Variants in RASL10A observed in about 807,000 individuals in gnomAD.
The protein encoded by RASL10A is ras-like protein family member 10A.
Under a neutral mutation model 17.3 loss-of-function variants are expected in RASL10A, and 13 were observed. That is an observed-to-expected ratio of 0.75 (90% confidence interval 0.49 to 1.20). The LOEUF is 1.20. RASL10A is among the 50% of genes most tolerant of loss of function. RASL10A has a pLI of 0.00. For synonymous variants in RASL10A, 159 were observed against 142.2 expected, an observed-to-expected ratio of 1.12 and a Z score of -0.84; for missense variants, 307 against 310.3, an observed-to-expected ratio of 0.99 and a Z score of 0.08.
chr22:29,317,237 T>A (rs2061458557), upstream of RASL10A: 3 of 152,270 alleles, frequency 2.0e-5, no homozygotes, highest in Admixed American at 2.0e-4. Context: ...CTTTTCAGAC[T>A]TCTGGGTTTT....
chr22:29,316,136 A>G (rs1226861296), upstream of RASL10A, among the ~76,000 whole-genome samples: 1 of 152,224 alleles, frequency 6.6e-6, no homozygotes, highest in Non-Finnish European at 1.5e-5. Context: ...ACTATGTGCC[A>G]GGCCCATTAC....
chr22:29,319,029 A>C (rs891024328), upstream of RASL10A, among the ~76,000 whole-genome samples: 1 of 152,138 alleles, frequency 6.6e-6, no homozygotes, highest in African/African-American at 2.4e-5. Flanking sequence ...ATCAAGCCAC[A>C]GATAGTGGGG....
rs756536408 is a variant in RASL10A, at chr22:29,313,551, T to G, written c.362A>C (p.Glu121Ala). The G allele has an allele frequency of 6.5e-7, 1 of 1,535,180 alleles. No individual in the cohort carries two copies. The highest frequency in any genetic ancestry group is 1.4e-5 in the African/African-American group (1 of 72,502). The change falls in exon 3 of 3, where the codon GAA becomes GCA. Residue 121 changes from glutamate to alanine, a missense_variant. Glu to Ala is a moderately radical substitution (Grantham distance 107). Coordinates refer to ENST00000216101, the MANE Select transcript of RASL10A (RefSeq NM_006477.5). The stretch of plus-strand genomic sequence containing the variant: ...GTTGCCTACCACGAGGATGGGCGCT[T>G]CGGGCGCGCCCGCCGGCCTGGGGGC... ...IAETRPAGAP[E>A]APILVVGNKR...
Position 29,313,166 on chromosome 22 carries a change from T to G in RASL10A, c.*135A>C. Reference sequence around the variant, plus strand: ...GGGGCCAGTCGCTTAGGAGACTGGGTTGGAGCTTTCCTCATCCAATCAGGG... The same window carrying G: ...GGGGCCAGTCGCTTAGGAGACTGGGGTGGAGCTTTCCTCATCCAATCAGGG... On this transcript the variant is annotated 3_prime_UTR_variant, in exon 3 of 3. Coordinates refer to ENST00000216101, the MANE Select transcript of RASL10A (RefSeq NM_006477.5). 2.5e-6 allele frequency: 3 copies of G among 1,216,846 alleles called. No individual in the cohort carries two copies. The highest frequency in any genetic ancestry group is 1.9e-5 in the South Asian group (1 of 53,914). The allele number at this position is 1,216,846 out of a possible 1,614,324, so 75.4% of individuals were successfully genotyped here.
chr22:29,314,841 G>A (rs2061443289), intron 1 of RASL10A, among the ~76,000 whole-genome samples, 187 bp downstream of exon 1: 1 of 152,232 alleles, frequency 6.6e-6, no homozygotes, highest in Non-Finnish European at 1.5e-5. Flanking sequence ...CCGGCCTCCA[G>A]CCTGGGCTTG....
chr22:29,318,020 G>A (rs1279866409), upstream of RASL10A, among the ~76,000 whole-genome samples: 1 of 152,176 alleles, frequency 6.6e-6, no homozygotes. Flanking sequence ...TCAATGCTAG[G>A]CGCACTCCCG....
At position 29,313,888 on chromosome 22, in the gene RASL10A, G is replaced by A. The variant is rs2061436898; in HGVS notation, c.319C>T (p.Leu107=). The change falls in exon 2 of 3, where the codon CTG becomes TTG. Residue 107 remains leucine, a synonymous_variant. Coordinates refer to ENST00000216101, the MANE Select transcript of RASL10A (RefSeq NM_006477.5). The part of the protein sequence containing the change: ...SPDSFDYVKA[L]RQRIAETRPA... ...CTGGTCTCCGCGATGCGCTGCCGCA[G>A]GGCCTTCACGTAGTCGAAACTGTCC... 5 of 1,613,752 alleles carry A rather than the reference G, an allele frequency of 3.1e-6. No individual in the cohort carries two copies. The highest frequency in any genetic ancestry group is 4.2e-6 in the Non-Finnish European group (5 of 1,180,044).
Position 29,313,304 on chromosome 22 carries a change from C to A in RASL10A, c.609G>T (p.Met203Ile). ...TGGATGGCACTGTCCGATCGGGTCA[C>A]ATGAGGCTGCAGCGCGCGGGATGCA... ...GALHPARCSLM is the reference protein window; with the variant it reads ...GALHPARCSLI Residue 203 changes from methionine (M) to isoleucine (I), a missense_variant, in exon 3 of 3, where the codon ATG becomes ATT. Physicochemically the swap from Met to Ile is conservative, Grantham distance 10. Transcript: ENST00000216101. 6.6e-7 allele frequency: 1 copy of A among 1,514,844 alleles called. No homozygotes were observed. The highest frequency in any genetic ancestry group is 1.3e-5 in the South Asian group (1 of 78,960). 93.8% of individuals were successfully genotyped at this position (1,514,844 alleles called of 1,614,324 possible). A position where few individuals can be genotyped will look rare whatever the true frequency, so the allele number is the denominator to read the frequency against.
upstream of RASL10A, among the ~76,000 whole-genome samples, chr22:29,317,946 A>G (rs1370088660): frequency 2.0e-5 from 3 of 152,134 alleles, no homozygotes; most frequent in African/African-American, 7.2e-5. Context: ...TCAGCCTCCC[A>G]AAGTGCTGGG....
chr22:29,313,354 G>C lies in RASL10A; in HGVS notation c.559C>G (p.Pro187Ala). ...CALVRARPAH[P>A]ALRLQGALHP... ...AGCGCCCCCTGCAGGCGCAGGGCCG[G>C]GTGTGCAGGGCGCGCGCGCACCAGA... The change falls in exon 3 of 3, where the codon CCG (proline) becomes GCG (alanine). Residue 187 changes from proline to alanine, a missense_variant. Physicochemically the swap from Pro to Ala is conservative, Grantham distance 27. Transcript: ENST00000216101. The C allele has an allele frequency of 6.5e-7, 1 of 1,542,648 alleles. No homozygotes were observed. Among genetic ancestry groups the C allele is most frequent in the Non-Finnish European group, 8.7e-7 (1 of 1,144,170 alleles).
chr22:29,316,502 C>T (rs192175759), upstream of RASL10A, among the ~76,000 whole-genome samples: 3 of 152,090 alleles, frequency 2.0e-5, no homozygotes, highest in South Asian at 2.1e-4. Context: ...CAACCCGTAG[C>T]GCCCCTCAAA....
At chr22:29,317,089 C>T (rs1032585223), upstream of RASL10A, 2 of 152,206 alleles carry the variant, frequency 1.3e-5, no homozygotes, top group African/African-American at 2.4e-5. Context: ...TCACTCCTCT[C>T]CTCAGCCACT....
Position 29,313,451 on chromosome 22 carries a change from G to T in RASL10A, c.462C>A (p.Cys154Ter). The change falls in exon 3 of 3, where the codon TGC becomes TGA. Residue 154 changes from cysteine to a stop codon, truncating the protein, a stop_gained. Transcript: ENST00000216101. LOFTEE classifies it high-confidence loss of function. ...ACTTGGCGGAGCACTCGAGGTAGCC[G>T]CAGCGCCAGCCCCTGCGCACTAGGG... ...LAALVRRGWR[C>*]GYLECSAKYN... 1 of 1,542,348 alleles carries T rather than the reference G, an allele frequency of 6.5e-7. No individual in the cohort carries two copies.
Position 29,313,975 on chromosome 22 carries a change from C to T in RASL10A, c.232G>A (p.Ala78Thr). The T allele has an allele frequency of 8.7e-6, 14 of 1,613,554 alleles. No homozygotes were observed. The highest frequency in any genetic ancestry group is 1.2e-5 in the Non-Finnish European group (14 of 1,180,026). ...GTGTCCTGCAAGCTCCAGTCCTTAG[C>T]GTCTGGCCACTCCTGGGGACAGGAG... ...SPGGPEEWPDAKDWSLQDTDA... is the reference protein window; with the variant it reads ...SPGGPEEWPDTKDWSLQDTDA... The change falls in exon 2 of 3, where the codon GCT becomes ACT. Residue 78 changes from alanine (A) to threonine (T), a missense_variant. Physicochemically the swap from Ala to Thr is moderately conservative, Grantham distance 58. Coordinates refer to ENST00000216101, the MANE Select transcript of RASL10A (RefSeq NM_006477.5).
Position 29,315,526 on chromosome 22 carries a change from T to C in RASL10A, c.-280A>G, listed in dbSNP as rs571634383. The C allele has an allele frequency of 3.3e-3, 685 of 204,808 alleles. 6 individuals are homozygous for C. The highest frequency in any genetic ancestry group is 0.015 in the African/African-American group (645 of 42,848). The allele number at this position is 204,808 out of a possible 1,614,324, so 12.7% of individuals were successfully genotyped here. ...AGAGAGAGCAGAGCCGGAGCGGCGC[T>C]CAGACACCGCCTCCGCCCCGCAGCG... On this transcript the variant is annotated 5_prime_UTR_variant, in exon 1 of 3. Transcript: ENST00000216101. The surrounding 1 kb of genome is among the most constrained non-coding windows in gnomAD (Gnocchi z 5.5).
chr22:29,315,032 G>A lies in RASL10A; in HGVS notation c.215C>T (p.Pro72Leu). ...VAGPGSSPGG[P>L]EEWPDAKDWS... ...GCCCGCTCCTCGAGCCGCTACCTCC[G>A]GACCCCCGGGGCTCGAGCCGGGGCC... Residue 72 changes from proline (P) to leucine (L), a missense_variant, in exon 1 of 3, where the codon CCG (proline) becomes CTG (leucine). By Grantham distance (98) the Pro-to-Leu change is moderately conservative (BLOSUM62 -3). Transcript: ENST00000216101. The surrounding 1 kb of genome is among the most constrained non-coding windows in gnomAD (Gnocchi z 5.5). The A allele has an allele frequency of 6.6e-7, 1 of 1,505,382 alleles. No individual in the cohort carries two copies. The highest frequency in any genetic ancestry group is 8.8e-7 in the Non-Finnish European group (1 of 1,131,714). 93.3% of individuals were successfully genotyped at this position (1,505,382 alleles called of 1,614,324 possible).
Position 29,315,302 on chromosome 22 carries a change from C to T in RASL10A, c.-56G>A. The T allele has an allele frequency of 7.8e-7, 1 of 1,285,546 alleles. No individual in the cohort carries two copies. The highest frequency in any genetic ancestry group is 1.6e-5 in the African/African-American group (1 of 63,376). 79.6% of individuals were successfully genotyped at this position (1,285,546 alleles called of 1,614,324 possible). On this transcript the variant is annotated 5_prime_UTR_variant, in exon 1 of 3. The change creates a new upstream start codon in the 5' untranslated region. Transcript: ENST00000216101. This position sits in a 1 kb window ranked among gnomAD's most constrained non-coding sequence, Gnocchi z 5.5. ...GAAAGCCTCATGGGCCGGCGCCGCA[C>T]CGTGCGCCCCCAGGCCGTGCGCCCC...
upstream of RASL10A, among the ~76,000 whole-genome samples, chr22:29,318,790 C>T (rs1245537084): frequency 3.3e-5 from 5 of 152,236 alleles, no homozygotes; most frequent in African/African-American, 1.2e-4. Context: ...GGACCACCTG[C>T]CAACTATGCA....
Position 29,313,300 on chromosome 22 carries a change from G to C in RASL10A, c.*1C>G. The C allele has an allele frequency of 6.6e-7, 1 of 1,510,606 alleles. No homozygotes were observed. The highest frequency in any genetic ancestry group is 1.3e-5 in the South Asian group (1 of 78,428). 93.6% of individuals were successfully genotyped at this position (1,510,606 alleles called of 1,614,324 possible). ...CCCATGGATGGCACTGTCCGATCGG[G>C]TCACATGAGGCTGCAGCGCGCGGGA... On this transcript the variant is annotated 3_prime_UTR_variant, in exon 3 of 3. Coordinates refer to ENST00000216101, the MANE Select transcript of RASL10A (RefSeq NM_006477.5).
Sources: gnomAD v4.1 joint callset for allele counts (sites outside exome capture counted in the v4.1 genomes callset) on GRCh38, gnomAD v4.1.1 for gene constraint, Gnocchi (gnomAD v3.1) non-coding constraint, MANE v1.5 for transcripts, NCBI Gene and HGNC (gene_info 2026-07-23, HGNC 2026-07-21) for gene names.